RGS4: variants seen among roughly 807,000 people sequenced by gnomAD.
RGS4 encodes the protein schizophrenia disorder 9.
RGS4 carries 15 observed loss-of-function variants against 21.6 expected under a neutral mutation model. That is an observed-to-expected ratio of 0.69 (90% CI 0.46 to 1.07). The LOEUF (loss-of-function observed/expected upper bound fraction) is 1.07, where lower values mean the gene tolerates loss of function less well. Among genes scored for constraint, RGS4 ranks in the 50% least tolerant of loss-of-function variants. The probability of loss-of-function intolerance (pLI) is 0.00; values close to 1 mark genes in which losing one functional copy is unlikely to be tolerated. For missense variants in RGS4, 237 were observed against 239.0 expected, an observed-to-expected ratio of 0.99 and a Z score of 0.06; for synonymous variants, 94 against 85.5, an observed-to-expected ratio of 1.10 and a Z score of -0.55.
At chr1:163,072,118 A>C (rs759800836) in intron 1 of RGS4, 4 of 1,129,228 alleles carry the variant, frequency 3.5e-6, no homozygotes, top group Non-Finnish European at 4.3e-6. Flanking sequence ...AATGACGGGC[A>C]TATAAAGGCT....
At position 163,072,867 on chromosome 1, in the gene RGS4, G is replaced by A; in HGVS notation, c.211+1G>A. On this transcript the variant is annotated splice_donor_variant, in intron 3 of 4. Transcript: ENST00000367909. LOFTEE classifies it high-confidence loss of function. ...CTGGAAAACCTGATTAGTCATGAATGTAAGTCTGACAGCAACCTGGGATGA... is the reference window on the plus strand; with the variant it reads ...CTGGAAAACCTGATTAGTCATGAATATAAGTCTGACAGCAACCTGGGATGA... The A allele has an allele frequency of 6.2e-7, 1 of 1,612,520 alleles. No homozygotes were observed. The highest frequency in any genetic ancestry group is 8.5e-7 in the Non-Finnish European group (1 of 1,178,922).
chr1:163,068,872 C>G, upstream of RGS4: 1 of 1,129,690 alleles, frequency 8.9e-7, no homozygotes, highest in Non-Finnish European at 1.3e-6. Flanking sequence ...CCGCAAATCA[C>G]TGCGTGGAGA....
chr1:163,073,727 A>G (rs553080074), intron 4 of RGS4, 105 bp downstream of exon 4: 13 of 683,956 alleles, frequency 1.9e-5, no homozygotes, highest in East Asian at 1.1e-4. Context: ...GGCAATTGCT[A>G]TATACATATC....
In RGS4 at chr1:163,069,994, C is replaced by T. The variant is rs114709373; in HGVS notation, c.44+466C>T. 2.3e-3 allele frequency among the ~76,000 whole-genome samples: 356 copies of T among 152,166 alleles called. 1 individual carries two copies. Among genetic ancestry groups the T allele is most frequent in the Middle Eastern group, 0.01 (3 of 294 alleles). ...ATCATCAGAAAGGCACTATGCTTTCCGTGTGGTGGTGCAGTAACTTTCACT... is the reference window on the plus strand; with the variant it reads ...ATCATCAGAAAGGCACTATGCTTTCTGTGTGGTGGTGCAGTAACTTTCACT... On this transcript the variant is annotated intron_variant, in intron 1 of 4. Coordinates refer to ENST00000367909, the MANE Select transcript of RGS4 (RefSeq NM_005613.6).
rs958452035 is a variant in RGS4 at position 163,072,438 on chromosome 1, T to C, written c.88T>C (p.Ser30Pro). ...TCGGCTAGGTTTCCTGCTGCAAAAA[T>C]CTGATTCCTGTGAACACAATTCTTC... ...KHRLGFLLQK[S>P]DSCEHNSSHN... Residue 30 changes from serine (S) to proline (P), a missense_variant, in exon 2 of 5, where the codon TCT becomes CCT. Transcript: ENST00000367909. 3.7e-6 allele frequency: 6 copies of C among 1,613,330 alleles called. No homozygotes were observed. Among genetic ancestry groups the C allele is most frequent in the Non-Finnish European group, 5.1e-6 (6 of 1,179,582 alleles).
intron 4 of RGS4, chr1:163,073,827 A>G (rs1655408764): frequency 1.0e-5 from 5 of 501,852 alleles, no homozygotes; most frequent in Non-Finnish European, 1.4e-5. Flanking sequence ...TGATAACTAT[A>G]TCACCCTAAT....
upstream of RGS4, chr1:163,068,902 C>A: frequency 6.8e-7 from 1 of 1,471,902 alleles, no homozygotes; most frequent in African/African-American, 1.4e-5. Context: ...TGCCAGCTCC[C>A]TTTTGGAAAT....
At chr1:163,074,203 GT>G (rs1655420642) in intron 4 of RGS4, 117 bp from the exon 5 acceptor site, 1 of 1,356,442 alleles carries the variant, frequency 7.4e-7, no homozygotes, top group South Asian at 1.4e-5. Flanking sequence ...TGTCACTTTT[GT>G]TTTTTGCTTC....
At chr1:163,069,723 T>A (rs1313737423) in intron 1 of RGS4, among the ~76,000 whole-genome samples, 195 bp downstream of exon 1, 7 of 152,132 alleles carry the variant, frequency 4.6e-5, no homozygotes, top group African/African-American at 1.7e-4. Flanking sequence ...TCAGCCCTTA[T>A]GTGTTGTTTT....
At chr1:163,069,215 G>A (rs531669710), upstream of RGS4, 115 of 1,532,318 alleles carry the variant, frequency 7.5e-5, 1 homozygote, top group South Asian at 1.4e-3. Context: ...ACTTAACATT[G>A]CTGATGCGTC....
intron 1 of RGS4, among the ~76,000 whole-genome samples, chr1:163,070,933 G>C (rs1655279725): frequency 6.6e-6 from 1 of 152,106 alleles, no homozygotes; most frequent in Non-Finnish European, 1.5e-5. Context: ...CATAGGTGGT[G>C]GGTGAGTTAG....
chr1:163,072,055 G>C, intron 1 of RGS4: 1 of 1,017,002 alleles, frequency 9.8e-7, no homozygotes, highest in Non-Finnish European at 1.2e-6. Flanking sequence ...GATCACTCAT[G>C]TGTTCAGTGA....
chr1:163,069,448 T>C lies in RGS4; in HGVS notation c.-37T>C, dbSNP rs780337696. The C allele has an allele frequency of 2.4e-5, 39 of 1,613,362 alleles. No individual in the cohort carries two copies. The highest frequency in any genetic ancestry group is 3.1e-5 in the Non-Finnish European group (36 of 1,179,718). The stretch of plus-strand genomic sequence containing the variant: ...GAAGCCACAGCTCCTCCTGCCGCAT[T>C]TCTTTCCTGCTTGCGAATTCCAAGC... On this transcript the variant is annotated 5_prime_UTR_variant, in exon 1 of 5. Transcript: ENST00000367909.
chr1:163,074,209 T>C, intron 4 of RGS4, 112 bp from the exon 5 acceptor site: 1 of 1,419,458 alleles, frequency 7.0e-7, no homozygotes, highest in Non-Finnish European at 9.6e-7. Context: ...TTTTGTTTTT[T>C]GCTTCTGAAA....
chr1:163,073,661 A>C (rs753489638), intron 4 of RGS4, 39 bp downstream of exon 4: 2 of 1,403,254 alleles, frequency 1.4e-6, no homozygotes, highest in Non-Finnish European at 1.9e-6. Context: ...GTACGTATTT[A>C]TGGAGTATGT....
At chr1:163,069,129 C>A, upstream of RGS4, 1 of 1,502,382 alleles carries the variant, frequency 6.7e-7, no homozygotes, top group Non-Finnish European at 8.8e-7. Context: ...AATTCTAAAC[C>A]TCTGACATTG....
At chr1:163,071,531 G>A (rs1655299738) in intron 1 of RGS4, among the ~76,000 whole-genome samples, 1 of 152,016 alleles carries the variant, frequency 6.6e-6, no homozygotes, top group African/African-American at 2.4e-5. Context: ...CTTATTAAAA[G>A]ACCCCCTTTT....
intron 3 of RGS4, among the ~76,000 whole-genome samples, chr1:163,073,106 A>G (rs1033129940): frequency 6.6e-6 from 1 of 152,178 alleles, no homozygotes; most frequent in Non-Finnish European, 1.5e-5. Flanking sequence ...GGAAAAACGG[A>G]AGAGAGAAAA....
At position 163,074,416 on chromosome 1, in the gene RGS4, C is replaced by G; in HGVS notation, c.474C>G (p.Asn158Lys). The G allele has an allele frequency of 1.2e-6, 2 of 1,613,854 alleles. No individual in the cohort carries two copies. The change falls in exon 5 of 5, where the codon AAC becomes AAG. Residue 158 changes from asparagine (N) to lysine (K), a missense_variant. Asn to Lys is a moderately conservative substitution (Grantham distance 94, BLOSUM62 0). Transcript: ENST00000367909. ...ATGAGGCCCAGAAGAAGATTTTCAA[C>G]CTGATGGAGAAGGATTCCTACCGCC... Reference protein sequence around the residue: ...CFDEAQKKIFNLMEKDSYRRF... With the variant: ...CFDEAQKKIFKLMEKDSYRRF...
Sources: allele counts gnomAD v4.1 joint callset (sites outside exome capture counted in the v4.1 genomes callset), GRCh38; gene constraint gnomAD v4.1.1; transcripts MANE v1.5; gene names NCBI Gene and HGNC (gene_info 2026-07-23, HGNC 2026-07-21).